Variants in SCN11A observed in about 807,000 individuals in gnomAD.
SCN11A encodes the protein sodium channel protein type 11 subunit alpha.
SCN11A carries 122 observed loss-of-function variants against 162.2 expected under a neutral mutation model. That is an observed-to-expected ratio of 0.75 (90% CI 0.65 to 0.87). The LOEUF (loss-of-function observed/expected upper bound fraction) is 0.87, where lower values mean the gene tolerates loss of function less well. Ranked by LOEUF, SCN11A falls within the 40% of genes least tolerant of loss-of-function variation. The pLI is 0.00. For missense variants in SCN11A, 2,015 were observed against 2,181.6 expected (o/e 0.92, Z 1.52); for synonymous variants, 758 against 751.5 (o/e 1.01, Z -0.14).
intron 2 of SCN11A, among the ~76,000 whole-genome samples, chr3:39,002,364 T>A (rs1559570330): frequency 6.6e-6 from 1 of 152,234 alleles, no homozygotes; most frequent in Non-Finnish European, 1.5e-5. Context: ...GCAAATGGAC[T>A]ATGTTTGTGA....
intron 7 of SCN11A, among the ~76,000 whole-genome samples, chr3:38,940,649 C>G (rs778882325): frequency 6.6e-6 from 1 of 152,038 alleles, no homozygotes; most frequent in Non-Finnish European, 1.5e-5. Context: ...ACACCCTACC[C>G]TTGAATGAAT....
intron 9 of SCN11A, among the ~76,000 whole-genome samples, chr3:38,924,228 C>CA (rs2066099979): frequency 6.9e-6 from 1 of 145,598 alleles, no homozygotes; most frequent in Non-Finnish European, 1.5e-5. Context: ...CCCTTCAGTC[C>CA]TTTTTTTTTT....
At chr3:38,851,640 C>T (rs2064780875) in intron 28 of SCN11A, among the ~76,000 whole-genome samples, 1 of 152,212 alleles carries the variant, frequency 6.6e-6, no homozygotes, top group East Asian at 1.9e-4. Flanking sequence ...ACATTCTTGA[C>T]TATACGTTGG....
intron 19 of SCN11A, among the ~76,000 whole-genome samples, chr3:38,889,593 A>G (rs1004684000): frequency 1.3e-5 from 2 of 151,384 alleles, no homozygotes; most frequent in South Asian, 2.1e-4. Context: ...AGGTCAGGAG[A>G]TCGAGACCAT....
At chr3:39,009,636 T>A (rs1023840942) in intron 2 of SCN11A, among the ~76,000 whole-genome samples, 3 of 145,344 alleles carry the variant, frequency 2.1e-5, no homozygotes. Context: ...GCATACTAGA[T>A]GGCTCAGCTG....
intron 21 of SCN11A, among the ~76,000 whole-genome samples, chr3:38,884,539 C>T (rs747825876): frequency 3.3e-5 from 5 of 152,122 alleles, no homozygotes; most frequent in Admixed American, 6.6e-5. Flanking sequence ...ATTTCTGGGC[C>T]GGCTTCTATT....
Position 38,926,942 on chromosome 3 carries a change from A to G in SCN11A, c.489-11T>C. On this transcript the variant is annotated splice_polypyrimidine_tract_variant and intron_variant, in intron 7 of 29. Transcript: ENST00000302328. ...CCAGTGAAGACACACCTAAAAAGCAAATCATTTACAACAGGAAGAAACATG... is the reference window on the plus strand; with the variant it reads ...CCAGTGAAGACACACCTAAAAAGCAGATCATTTACAACAGGAAGAAACATG... The G allele has an allele frequency of 6.2e-6, 10 of 1,609,726 alleles. No homozygotes were observed. The highest frequency in any genetic ancestry group is 7.6e-6 in the Non-Finnish European group (9 of 1,177,718).
chr3:38,932,940 T>C (rs2066268095), intron 7 of SCN11A, among the ~76,000 whole-genome samples: 2 of 152,248 alleles, frequency 1.3e-5, no homozygotes, highest in African/African-American at 4.8e-5. Context: ...CCCTGACCCC[T>C]GACCCCCGAG....
At chr3:38,933,026 C>T (rs113173303) in intron 7 of SCN11A, among the ~76,000 whole-genome samples, 13 of 148,384 alleles carry the variant, frequency 8.8e-5, no homozygotes, top group South Asian at 6.5e-4. Flanking sequence ...TGAGACAAAA[C>T]TTCCAGAGAA....
At chr3:38,903,825 T>C (rs2065742624) in intron 16 of SCN11A, 40 bp downstream of exon 16, 2 of 1,405,792 alleles carry the variant, frequency 1.4e-6, no homozygotes, top group Non-Finnish European at 1.9e-6. Context: ...TACTTTAAAG[T>C]ATGAAATATG....
intron 2 of SCN11A, among the ~76,000 whole-genome samples, chr3:38,971,083 T>C (rs1182576885): frequency 6.6e-6 from 1 of 152,132 alleles, no homozygotes; most frequent in Non-Finnish European, 1.5e-5. Flanking sequence ...GTCTGATGTG[T>C]GTCCCTGAGA....
chr3:38,869,420 T>C (rs2065090328), intron 26 of SCN11A, among the ~76,000 whole-genome samples: 1 of 152,250 alleles, frequency 6.6e-6, no homozygotes, highest in East Asian at 1.9e-4. Context: ...TATATAATTA[T>C]AAAATTACAT....
At position 39,010,244 on chromosome 3, in the gene SCN11A, G is replaced by C. The variant is rs139397143; in HGVS notation, c.-280+22136C>G. 4.1e-3 allele frequency among the ~76,000 whole-genome samples: 625 copies of C among 152,192 alleles called. 9 individuals are homozygous for C. The highest frequency in any genetic ancestry group is 0.014 in the African/African-American group (593 of 41,528). On this transcript the variant is annotated intron_variant, in intron 2 of 29. Transcript: ENST00000302328. The stretch of plus-strand genomic sequence containing the variant: ...AAAGTAGAGGTAGTGGCCTCTAGAA[G>C]GGGGAAATGAAGAGGGAGATGGCAT...
At chr3:38,972,916 A>C (rs956442110) in intron 2 of SCN11A, among the ~76,000 whole-genome samples, 1 of 152,212 alleles carries the variant, frequency 6.6e-6, no homozygotes, top group Non-Finnish European at 1.5e-5. Context: ...TTGTCAGCAA[A>C]GGAAAGAAAT....
rs554634590 is a variant in SCN11A, at chr3:38,920,637, G to T, written c.892+439C>A. 4.6e-5 allele frequency among the ~76,000 whole-genome samples: 7 copies of T among 151,308 alleles called. No homozygotes were observed. The South Asian group carries it at 1.3e-3, about 27-fold the overall frequency. On this transcript the variant is annotated intron_variant, in intron 10 of 29. Transcript: ENST00000302328. ...ACCTGGGAGGCAGAGGTTGCAGTGGGGTGATGTCACTGCACTCCGGCCTGG... is the reference window on the plus strand; with the variant it reads ...ACCTGGGAGGCAGAGGTTGCAGTGGTGTGATGTCACTGCACTCCGGCCTGG...
intron 7 of SCN11A, among the ~76,000 whole-genome samples, chr3:38,940,876 G>A (rs1026721722): frequency 6.6e-6 from 1 of 152,158 alleles, no homozygotes; most frequent in Non-Finnish European, 1.5e-5. Flanking sequence ...CTTCAATTGT[G>A]ATGAAGACAT....
At chr3:38,919,457 T>A (rs2066011506) in intron 11 of SCN11A, among the ~76,000 whole-genome samples, 1 of 152,200 alleles carries the variant, frequency 6.6e-6, no homozygotes, top group African/African-American at 2.4e-5. Flanking sequence ...GTTTCCCCAT[T>A]GGAGCAGAGG....
At chr3:38,941,661 GA>G (rs1424841627) in intron 7 of SCN11A, among the ~76,000 whole-genome samples, 1 of 151,962 alleles carries the variant, frequency 6.6e-6, no homozygotes, top group Non-Finnish European at 1.5e-5. Flanking sequence ...AATATGTGAA[GA>G]AACCACTAAA....
chr3:38,869,779 A>G (rs1347949147), intron 26 of SCN11A, among the ~76,000 whole-genome samples: 3 of 152,228 alleles, frequency 2.0e-5, no homozygotes, highest in Admixed American at 1.3e-4. Flanking sequence ...TGCAAAGGTC[A>G]TGCTTAAAGG....
Sources: gnomAD v4.1 joint callset for allele counts (sites outside exome capture counted in the v4.1 genomes callset) on GRCh38, gnomAD v4.1.1 for gene constraint, MANE v1.5 for transcripts, NCBI Gene and HGNC (gene_info 2026-07-23, HGNC 2026-07-21) for gene names.